Variants in HACD1 observed in about 807,000 individuals in gnomAD.
The protein encoded by HACD1 is very-long-chain (3R)-3-hydroxyacyl-CoA dehydratase 1.
In HACD1, 41 loss-of-function variants were observed where a neutral mutation model predicts 32.0. The observed-to-expected ratio is 1.28, with a 90% CI of 1.00 to 1.66. The LOEUF (loss-of-function observed/expected upper bound fraction) is 1.66. HACD1 is among the 40% of genes most tolerant of loss of function. HACD1 has a pLI of 0.00. For synonymous variants in HACD1, 142 were observed against 139.0 expected (o/e 1.02, Z -0.15); for missense variants, 396 against 380.1 (o/e 1.04, Z -0.35).
At chr10:17,603,418 G>A in intron 4 of HACD1, 142 bp downstream of exon 4, 1 of 718,122 alleles carries the variant, frequency 1.4e-6, no homozygotes, top group South Asian at 2.0e-5. Flanking sequence ...CTAAGTCAAT[G>A]CACAACATCT....
At chr10:17,593,882 T>G (rs1181728929) in intron 6 of HACD1, among the ~76,000 whole-genome samples, 1 of 152,214 alleles carries the variant, frequency 6.6e-6, no homozygotes, top group African/African-American at 2.4e-5. Context: ...TCTAAATGCT[T>G]GTAAAAAGTG....
chr10:17,594,434 C>A, intron 5 of HACD1, 51 bp from the exon 6 acceptor site: 2 of 1,340,358 alleles, frequency 1.5e-6, no homozygotes, highest in Non-Finnish European at 2.0e-6. Flanking sequence ...AATTATTAGA[C>A]TTTACATTGC....
In HACD1 at chr10:17,602,444, A is replaced by G. The variant is rs74663431; in HGVS notation, c.483+1116T>C. ...CTATCTCGCCTGAAAGGTTTGAATC[A>G]TTAATTAGATTCAATAATTAGGTCT... On this transcript the variant is annotated intron_variant, in intron 4 of 6. Transcript: ENST00000361271. Among the ~76,000 whole-genome samples, 18 of 152,272 alleles carry G rather than the reference A, an allele frequency of 1.2e-4. No homozygotes were observed. In the East Asian group the frequency reaches 2.9e-3, roughly 25 times the overall value.
chr10:17,609,236 G>T (rs1834193887), intron 1 of HACD1, among the ~76,000 whole-genome samples: 1 of 148,606 alleles, frequency 6.7e-6, no homozygotes, highest in South Asian at 2.1e-4. Context: ...CTCACTGCAA[G>T]CTCCACCTCC....
At chr10:17,607,724 C>G (rs1040181273) in intron 1 of HACD1, among the ~76,000 whole-genome samples, 7 of 152,116 alleles carry the variant, frequency 4.6e-5, no homozygotes, top group Non-Finnish European at 1.0e-4. Context: ...GTATCATGAT[C>G]GTGCCACTCA....
At chr10:17,603,492 A>C in intron 4 of HACD1, 68 bp downstream of exon 4, 1 of 1,373,630 alleles carries the variant, frequency 7.3e-7, no homozygotes, top group Non-Finnish European at 1.0e-6. Context: ...AAATGTTAAT[A>C]TTTTAGATTC....
chr10:17,602,083 T>TTTTTGAGATGGAGCCTCACTCTGTCA, intron 4 of HACD1, among the ~76,000 whole-genome samples: 1 of 151,530 alleles, frequency 6.6e-6, no homozygotes, highest in African/African-American at 2.4e-5. Context: ...TTTTTTTTTT[T>TTTTTGAGATGGAGCCTCACTCTGTCA]TTTTGAGATG....
chr10:17,590,240 A>C lies in HACD1; in HGVS notation c.*124T>G. 1.5e-6 allele frequency: 1 copy of C among 656,054 alleles called. No homozygotes were observed. Among genetic ancestry groups the C allele is most frequent in the Non-Finnish European group, 2.5e-6 (1 of 395,950 alleles). The allele number at this position is 656,054 out of a possible 1,614,324, so 40.6% of individuals were successfully genotyped here. A position where few individuals can be genotyped will look rare whatever the true frequency, so the allele number is the denominator to read the frequency against. On this transcript the variant is annotated 3_prime_UTR_variant, in exon 7 of 7. Transcript: ENST00000361271. ...AATACTGGCAAATACCACGTGTCTC[A>C]AGTTATATTTTAAGAAACCATACAA... is the stretch of plus-strand genomic sequence containing the variant.
intron 6 of HACD1, 23 bp downstream of exon 6, chr10:17,594,182 A>C: frequency 7.4e-7 from 1 of 1,353,494 alleles, no homozygotes; most frequent in Non-Finnish European, 9.7e-7. Context: ...GTCAAATCAA[A>C]GTACTAATAA....
intron 1 of HACD1, among the ~76,000 whole-genome samples, chr10:17,604,573 C>T (rs140735038): frequency 2.2e-4 from 33 of 151,730 alleles, no homozygotes; most frequent in African/African-American, 7.5e-4. Context: ...TCATGCAACA[C>T]GGATAAACCT....
At chr10:17,616,995 C>T (rs1833097163) in intron 1 of HACD1, 88 bp downstream of exon 1, 6 of 1,289,280 alleles carry the variant, frequency 4.7e-6, no homozygotes, top group East Asian at 3.2e-5. Flanking sequence ...CCCCGCGCCC[C>T]TTACACCCCG....
Position 17,593,929 on chromosome 10 carries a change from T to C in HACD1, c.784+276A>G, listed in dbSNP as rs17141380. Among the ~76,000 whole-genome samples, 1,154 of 152,308 alleles carry C rather than the reference T, an allele frequency of 7.6e-3. 18 individuals carry two copies. Among genetic ancestry groups the C allele is most frequent in the African/African-American group, 0.027 (1,108 of 41,574 alleles). On this transcript the variant is annotated intron_variant, in intron 6 of 6. Transcript: ENST00000361271. ...TAAACATGATTTGTTTTTATCTTTC[T>C]TTAAAAAAATCATACTAAGCTGATG...
intron 6 of HACD1, 136 bp from the exon 7 acceptor site, chr10:17,590,582 C>T (rs1833916359): frequency 1.8e-6 from 1 of 569,348 alleles, no homozygotes; most frequent in Non-Finnish European, 3.0e-6. Flanking sequence ...TTACAGAGCT[C>T]AAGACTATAA....
chr10:17,590,252 A>T lies in HACD1; in HGVS notation c.*112T>A. On this transcript the variant is annotated 3_prime_UTR_variant, in exon 7 of 7. Transcript: ENST00000361271. Reference sequence around the variant, plus strand: ...TACCACGTGTCTCAAGTTATATTTTAAGAAACCATACAATCCATGATATTT... The same window carrying T: ...TACCACGTGTCTCAAGTTATATTTTTAGAAACCATACAATCCATGATATTT... 1 of 721,172 alleles carries T rather than the reference A, an allele frequency of 1.4e-6. No individual in the cohort carries two copies. Among genetic ancestry groups the T allele is most frequent in the Non-Finnish European group, 2.2e-6 (1 of 448,180 alleles). 44.7% of individuals were successfully genotyped at this position (721,172 alleles called of 1,614,324 possible).
intron 5 of HACD1, among the ~76,000 whole-genome samples, chr10:17,595,339 G>A (rs1477108359): frequency 6.6e-6 from 1 of 152,020 alleles, no homozygotes; most frequent in Non-Finnish European, 1.5e-5. Flanking sequence ...TTTTTAAGAG[G>A]CATTTGAAAA....
intron 1 of HACD1, among the ~76,000 whole-genome samples, chr10:17,612,435 C>T (rs974888911): frequency 1.3e-5 from 2 of 152,154 alleles, no homozygotes; most frequent in African/African-American, 2.4e-5. Context: ...TTGAGTACTT[C>T]TTGGAGTTTA....
Position 17,599,390 on chromosome 10 carries a change from CCA to C in HACD1, c.503_504del (p.Val168GlyfsTer24), listed in dbSNP as rs782625636. On this transcript the variant is annotated frameshift_variant, in exon 5 of 7. Transcript: ENST00000361271. LOFTEE classifies it high-confidence loss of function. ...SIKPIQNEES[V>X]VLFLVAWTVT... ...ACAGTCCACGCGACCAGAAAAAGCA[CCA>C]CACTCTCTTCATTCTGGATCTGCAG... 1.7e-5 allele frequency: 28 copies of C among 1,613,510 alleles called. No homozygotes were observed. The highest frequency in any genetic ancestry group is 1.7e-5 in the Non-Finnish European group (20 of 1,179,948).
intron 6 of HACD1, 79 bp downstream of exon 6, chr10:17,594,126 T>C (rs548734679): frequency 2.0e-5 from 23 of 1,165,386 alleles, no homozygotes; most frequent in Middle Eastern, 3.3e-4. Flanking sequence ...TCTAATTATT[T>C]CCCCTTGCAT....
chr10:17,595,051 G>A (rs1833978797), intron 5 of HACD1, among the ~76,000 whole-genome samples: 1 of 151,694 alleles, frequency 6.6e-6, no homozygotes, highest in Non-Finnish European at 1.5e-5. Context: ...TAGAGACAGG[G>A]TTTCACCATG....
Sources: allele counts gnomAD v4.1 joint callset (sites outside exome capture counted in the v4.1 genomes callset), GRCh38; gene constraint gnomAD v4.1.1; transcripts MANE v1.5; gene names NCBI Gene and HGNC (gene_info 2026-07-23, HGNC 2026-07-21).